Variants in PSD3 observed in about 807,000 individuals in gnomAD.
PSD3 encodes the protein pleckstrin and Sec7 domain containing 3.
A neutral mutation model predicts 105.5 loss-of-function variants in PSD3; 49 were observed. The observed-to-expected ratio is 0.46, with a 90% CI of 0.37 to 0.59. The LOEUF is 0.59. PSD3 is among the 20% of genes least tolerant of loss of function. The probability of loss-of-function intolerance (pLI) is 0.00; values close to 1 mark genes in which losing one functional copy is unlikely to be tolerated. For synonymous variants in PSD3, 557 were observed against 457.8 expected, an observed-to-expected ratio of 1.22 and a Z score of -2.77; for missense variants, 1,561 against 1,263.8, an observed-to-expected ratio of 1.24 and a Z score of -3.57.
chr8:19,006,265 GC>G (rs1826676051), intron 1 of PSD3, among the ~76,000 whole-genome samples: 2 of 144,916 alleles, frequency 1.4e-5, no homozygotes, highest in South Asian at 4.5e-4. Flanking sequence ...TGCACCCCCG[GC>G]CTGGGTGACA....
At chr8:18,588,260 T>C (rs1563351627) in intron 12 of PSD3, among the ~76,000 whole-genome samples, 1 of 152,152 alleles carries the variant, frequency 6.6e-6, no homozygotes, top group Non-Finnish European at 1.5e-5. Flanking sequence ...AAGAAGAAAC[T>C]ACAGAACCAG....
intron 1 of PSD3, among the ~76,000 whole-genome samples, chr8:18,943,147 TC>T (rs1822657917): frequency 6.6e-6 from 1 of 152,112 alleles, no homozygotes; most frequent in South Asian, 2.1e-4. Flanking sequence ...GCTGCAAAGA[TC>T]AACAAAGGAG....
At chr8:18,965,526 T>G (rs12678989) in intron 1 of PSD3, among the ~76,000 whole-genome samples, 61,671 of 151,938 alleles carry the variant, frequency 0.41, 12,745 homozygotes, top group African/African-American at 0.43. Context: ...CGGTTGCCAC[T>G]GTGACCATTT....
At chr8:18,869,022 C>T (rs1817147150) in intron 3 of PSD3, among the ~76,000 whole-genome samples, 1 of 152,094 alleles carries the variant, frequency 6.6e-6, no homozygotes, top group South Asian at 2.1e-4. Context: ...TTACTGGAAT[C>T]CACATTCAGC....
At chr8:18,839,160 C>T (rs1031524194) in intron 4 of PSD3, among the ~76,000 whole-genome samples, 4 of 152,032 alleles carry the variant, frequency 2.6e-5, no homozygotes, top group African/African-American at 9.7e-5. Context: ...GCCGCAATTG[C>T]TTCCCAGGAT....
At chr8:18,901,967 G>C (rs952713894) in intron 2 of PSD3, among the ~76,000 whole-genome samples, 4 of 151,460 alleles carry the variant, frequency 2.6e-5, no homozygotes, top group Non-Finnish European at 2.9e-5. Context: ...TTTCCTCTTT[G>C]TCCTTGACTT....
At chr8:18,960,930 A>G (rs148045536) in intron 1 of PSD3, among the ~76,000 whole-genome samples, 1 of 152,138 alleles carries the variant, frequency 6.6e-6, no homozygotes, top group East Asian at 1.9e-4. Flanking sequence ...ACAAAAAAAT[A>G]CAAAAACTAG....
intron 8 of PSD3, chr8:18,774,656 A>G: frequency 8.1e-6 from 3 of 369,104 alleles, no homozygotes; most frequent in Admixed American, 3.6e-5. Flanking sequence ...ACATGATACA[A>G]GTATTCTTGG....
intron 8 of PSD3, among the ~76,000 whole-genome samples, chr8:18,771,017 T>C (rs1192392773): frequency 1.3e-5 from 2 of 152,246 alleles, no homozygotes; most frequent in African/African-American, 2.4e-5. Context: ...TGGCTGTCTC[T>C]GGCCAGATTC....
chr8:18,755,815 A>G (rs1805991941), intron 9 of PSD3, among the ~76,000 whole-genome samples: 1 of 151,590 alleles, frequency 6.6e-6, no homozygotes, highest in African/African-American at 2.4e-5. Flanking sequence ...GTTACTTCAA[A>G]TATTACCCTC....
rs1817548857 is a variant in PSD3, at chr8:18,873,832, A to AT, written c.131-1100dup. Among the ~76,000 whole-genome samples the AT allele has an allele frequency of 4.6e-5, 7 of 152,366 alleles. No homozygotes were observed. The South Asian group carries it at 1.4e-3, about 32-fold the overall frequency. On this transcript the variant is annotated intron_variant, in intron 2 of 15. Transcript: ENST00000327040. ...TTAGTAAGATCACTACCTGCATAAA[A>AT]TTGTAATGGCATCTTACGAAGAACC...
chr8:18,622,290 T>C (rs1806169173), intron 11 of PSD3, among the ~76,000 whole-genome samples: 1 of 152,246 alleles, frequency 6.6e-6, no homozygotes, highest in East Asian at 1.9e-4. Context: ...TTTGATTCAT[T>C]TCTTCCCACC....
chr8:18,840,255 A>G (rs562339252), intron 4 of PSD3, among the ~76,000 whole-genome samples: 1 of 152,270 alleles, frequency 6.6e-6, no homozygotes, highest in African/African-American at 2.4e-5. Flanking sequence ...AATCACTCTG[A>G]GTAATAGGTG....
chr8:18,713,066 CT>C (rs1802353599), intron 9 of PSD3, among the ~76,000 whole-genome samples: 1 of 152,082 alleles, frequency 6.6e-6, no homozygotes, highest in Non-Finnish European at 1.5e-5. Context: ...CCAAAAAGAC[CT>C]TTGATAAAAT....
At chr8:18,916,656 C>G (rs1820628511) in intron 2 of PSD3, among the ~76,000 whole-genome samples, 1 of 151,822 alleles carries the variant, frequency 6.6e-6, no homozygotes, top group Non-Finnish European at 1.5e-5. Flanking sequence ...TTCTAGAGAT[C>G]TGTCAGACAG....
At chr8:19,082,425 T>C (rs114398573) in intron 1 of PSD3, among the ~76,000 whole-genome samples, 2,144 of 152,322 alleles carry the variant, frequency 0.014, 63 homozygotes, top group African/African-American at 0.048. Flanking sequence ...GCAGGGGACG[T>C]CATCAGTGTT....
intron 1 of PSD3, among the ~76,000 whole-genome samples, chr8:19,021,997 C>G (rs1479688154): frequency 2.0e-5 from 3 of 152,164 alleles, no homozygotes; most frequent in Non-Finnish European, 4.4e-5. Context: ...AGCAGAGCAC[C>G]AACATCTGCT....
chr8:18,638,154 C>CAAA (rs34328764), intron 10 of PSD3, among the ~76,000 whole-genome samples: 9 of 72,230 alleles, frequency 1.2e-4, no homozygotes, highest in Admixed American at 1.5e-4. Flanking sequence ...GATTCCATCT[C>CAAA]AAAAAAAAAA....
intron 4 of PSD3, among the ~76,000 whole-genome samples, chr8:18,809,368 G>A (rs1399424429): frequency 6.6e-6 from 1 of 152,004 alleles, no homozygotes; most frequent in African/African-American, 2.4e-5. Context: ...AAGTAAACAT[G>A]GTAATAATTC....
Sources: allele counts gnomAD v4.1 joint callset (sites outside exome capture counted in the v4.1 genomes callset), GRCh38; gene constraint gnomAD v4.1.1; transcripts MANE v1.5; gene names NCBI Gene and HGNC (gene_info 2026-07-23, HGNC 2026-07-21).